The following ITGB5 variants were observed in gnomAD, a reference collection of about 807,000 sequenced individuals.
ITGB5 encodes integrin beta-5.
ITGB5 carries 38 observed loss-of-function variants against 84.8 expected under a neutral mutation model. The ratio of observed to expected loss-of-function variants is 0.45; its 90% CI spans 0.35 to 0.59. ITGB5 has a LOEUF of 0.59. Among genes scored for constraint, ITGB5 ranks in the 20% least tolerant of loss-of-function variants. The pLI, the probability that ITGB5 is intolerant of heterozygous loss-of-function variation, is 0.01. For missense variants in ITGB5, 905 were observed against 1,034.5 expected (o/e 0.87, Z 1.72); for synonymous variants, 393 against 414.4 (o/e 0.95, Z 0.63).
At chr3:124,862,835 CCAA>C (rs1033195215) in intron 2 of ITGB5, 2 of 152,148 alleles carry the variant, frequency 1.3e-5, no homozygotes, top group Admixed American at 6.5e-5. Context: ...GTTAGCTGCA[CCAA>C]CAACAAGAAT....
chr3:124,832,260 T>C (rs929398004), intron 5 of ITGB5, among the ~76,000 whole-genome samples: 2 of 152,244 alleles, frequency 1.3e-5, no homozygotes, highest in Non-Finnish European at 2.9e-5. Context: ...TCTGTGTTCC[T>C]GTGTGACTTC....
At chr3:124,880,762 T>C (rs1934529908) in intron 1 of ITGB5, among the ~76,000 whole-genome samples, 1 of 151,854 alleles carries the variant, frequency 6.6e-6, no homozygotes, top group African/African-American at 2.4e-5. Flanking sequence ...ACCCTATCTT[T>C]ACTAAAAATA....
chr3:124,782,061 G>C (rs1382014204), intron 10 of ITGB5, among the ~76,000 whole-genome samples: 2 of 152,192 alleles, frequency 1.3e-5, no homozygotes, highest in African/African-American at 4.8e-5. Context: ...ATTCCACTGA[G>C]ATAACAAGCC....
Position 124,874,858 on chromosome 3 carries a change from A to G in ITGB5, c.71-1327T>C, listed in dbSNP as rs112024382. ...ACACTATATTTAAAAAATCAACTCA[A>G]TATGGTTTAAAACCTTAAATATAAC... On this transcript the variant is annotated intron_variant, in intron 1 of 14. Transcript: ENST00000296181. Among the ~76,000 whole-genome samples, 3 of 152,352 alleles carry G rather than the reference A, an allele frequency of 2.0e-5. 1 individual carries two copies. Among genetic ancestry groups the G allele is most frequent in the African/African-American group, 7.2e-5 (3 of 41,588 alleles).
intron 1 of ITGB5, among the ~76,000 whole-genome samples, chr3:124,881,530 AC>A (rs1436433923): frequency 2.0e-5 from 3 of 152,126 alleles, no homozygotes. Flanking sequence ...AACAGGATAT[AC>A]TGGGTATAAA....
chr3:124,812,169 T>C (rs115291145), intron 8 of ITGB5, among the ~76,000 whole-genome samples: 3,979 of 152,246 alleles, frequency 0.026, 89 homozygotes, highest in African/African-American at 0.048. Context: ...TATATATCTG[T>C]TGAATAAGTG....
At chr3:124,832,962 G>A (rs1268156642) in intron 5 of ITGB5, 1 of 152,226 alleles carries the variant, frequency 6.6e-6, no homozygotes, top group Non-Finnish European at 1.5e-5. Flanking sequence ...AACAAGGTTA[G>A]AGGGTCTCTG....
chr3:124,804,990 CTTCTTTCTTT>C (rs2064373227), intron 9 of ITGB5, among the ~76,000 whole-genome samples: 1 of 150,932 alleles, frequency 6.6e-6, no homozygotes, highest in Non-Finnish European at 1.5e-5. Context: ...TCCTTCCTTC[CTTCTTTCTTT>C]TTCTTTCTTC....
At chr3:124,840,665 T>TC (rs1378854236) in intron 5 of ITGB5, among the ~76,000 whole-genome samples, 2 of 150,964 alleles carry the variant, frequency 1.3e-5, no homozygotes, top group Non-Finnish European at 3.0e-5. Context: ...TTTCTTTCTT[T>TC]TTTTTTTTTT....
intron 11 of ITGB5, chr3:124,770,031 C>CACATTCTTT (rs1471668090): frequency 6.6e-6 from 1 of 152,238 alleles, no homozygotes; most frequent in Non-Finnish European, 1.5e-5. Context: ...CCAAGTTGCA[C>CACATTCTTT]ACATTCTTTG....
intron 5 of ITGB5, among the ~76,000 whole-genome samples, chr3:124,829,759 G>A (rs549663504): frequency 9.2e-5 from 14 of 152,244 alleles, no homozygotes; most frequent in Non-Finnish European, 1.5e-4. Context: ...CATTGTCACT[G>A]TCTCCTCTGG....
chr3:124,898,773 TA>T (rs36079714), intron 1 of ITGB5, among the ~76,000 whole-genome samples: 117 of 109,708 alleles, frequency 1.1e-3, no homozygotes, highest in African/African-American at 2.8e-3. Flanking sequence ...CCCCATGTCT[TA>T]AAAAAAAAAA....
chr3:124,865,485 T>TTC (rs2065374634), intron 2 of ITGB5, among the ~76,000 whole-genome samples: 1 of 135,384 alleles, frequency 7.4e-6, no homozygotes, highest in African/African-American at 2.8e-5. Flanking sequence ...TTTTTTCTTT[T>TTC]TTTTTTTTTT....
chr3:124,827,773 G>C (rs940627557), intron 5 of ITGB5, among the ~76,000 whole-genome samples: 1 of 152,150 alleles, frequency 6.6e-6, no homozygotes, highest in African/African-American at 2.4e-5. Context: ...GTTCCTGCCT[G>C]AACTGATGAC....
chr3:124,847,912 A>T (rs1413334096), intron 4 of ITGB5, among the ~76,000 whole-genome samples: 1 of 152,214 alleles, frequency 6.6e-6, no homozygotes, highest in Non-Finnish European at 1.5e-5. Context: ...AACAACAGGG[A>T]CAAATTTTGA....
intron 2 of ITGB5, among the ~76,000 whole-genome samples, chr3:124,866,752 C>T (rs2065397510): frequency 6.6e-6 from 1 of 152,164 alleles, no homozygotes; most frequent in African/African-American, 2.4e-5. Context: ...TCCAACTTGG[C>T]AGAACCCTCA....
At chr3:124,765,068 G>T (rs887544884) in intron 13 of ITGB5, among the ~76,000 whole-genome samples, 2 of 152,192 alleles carry the variant, frequency 1.3e-5, no homozygotes, top group Non-Finnish European at 2.9e-5. Flanking sequence ...TCTTACAGGC[G>T]TGCATCCTAG....
At position 124,839,693 on chromosome 3, in the gene ITGB5, A is replaced by AAGTC. The variant is rs1401944540; in HGVS notation, c.780+1686_780+1689dup. On this transcript the variant is annotated intron_variant, in intron 5 of 14. Transcript: ENST00000296181. ...AACGCCTCCTATAGTCAATATCTGA[A>AAGTC]AGTCAGTCAAAAATATAATTTTTCT... Among the ~76,000 whole-genome samples, 10 of 152,334 alleles carry AAGTC rather than the reference A, an allele frequency of 6.6e-5. No individual in the cohort carries two copies. The East Asian group carries it at 1.7e-3, about 26-fold the overall frequency.
chr3:124,822,557 C>T (rs891765072), intron 5 of ITGB5, among the ~76,000 whole-genome samples: 12 of 152,048 alleles, frequency 7.9e-5, no homozygotes, highest in East Asian at 5.8e-4. Context: ...GCTCCAGAGG[C>T]GGCATGGAAA....
Sources: allele counts gnomAD v4.1 joint callset (sites outside exome capture counted in the v4.1 genomes callset), GRCh38; gene constraint gnomAD v4.1.1; transcripts MANE v1.5; gene names NCBI Gene and HGNC (gene_info 2026-07-23, HGNC 2026-07-21).